The following SLC4A7 variants were observed in gnomAD, a reference collection of about 807,000 sequenced individuals.
SLC4A7 encodes the protein solute carrier family 4 member 7, also known as sodium bicarbonate cotransporter 3.
A neutral mutation model predicts 137.6 loss-of-function variants in SLC4A7; 51 were observed. The ratio of observed to expected loss-of-function variants is 0.37; its 90% confidence interval spans 0.30 to 0.47. SLC4A7 has a LOEUF of 0.47. SLC4A7 is among the 20% of genes least tolerant of loss of function. The probability of loss-of-function intolerance (pLI) is 1.00; values close to 1 mark genes in which losing one functional copy is unlikely to be tolerated. For synonymous variants in SLC4A7, 542 were observed against 518.6 expected, an observed-to-expected ratio of 1.05 and a Z score of -0.61; for missense variants, 1,247 against 1,525.4, an observed-to-expected ratio of 0.82 and a Z score of 3.04.
intron 3 of SLC4A7, among the ~76,000 whole-genome samples, chr3:27,444,692 G>A (rs926639678): frequency 3.9e-5 from 6 of 152,012 alleles, no homozygotes; most frequent in African/African-American, 1.5e-4. Flanking sequence ...CTCTTTAACA[G>A]TCATATTCTT....
chr3:27,472,654 C>T (rs2059297091), intron 1 of SLC4A7, among the ~76,000 whole-genome samples: 1 of 152,196 alleles, frequency 6.6e-6, no homozygotes, highest in African/African-American at 2.4e-5. Context: ...TTGCCTCACA[C>T]CTCCAATATG....
At chr3:27,466,632 A>C (rs2059014767) in intron 1 of SLC4A7, among the ~76,000 whole-genome samples, 1 of 152,170 alleles carries the variant, frequency 6.6e-6, no homozygotes, top group East Asian at 1.9e-4. Flanking sequence ...GTTCGAGACC[A>C]GCCTAGCCAA....
chr3:27,432,899 C>A (rs1179555993), intron 6 of SLC4A7, among the ~76,000 whole-genome samples: 1 of 152,066 alleles, frequency 6.6e-6, no homozygotes, highest in Non-Finnish European at 1.5e-5. Flanking sequence ...AGTTAAAATG[C>A]GCTATACATT....
In SLC4A7 at chr3:27,484,254, C is replaced by A; in HGVS notation, c.-128G>T. On this transcript the variant is annotated 5_prime_UTR_variant, in exon 1 of 26. Coordinates refer to ENST00000454389, the MANE Select transcript of SLC4A7 (RefSeq NM_001321103.2). ...GGACAAACGTGGGTGCGTCCGTGCG[C>A]GAGGTGTGCGCGCGTGGGGAGAGCC... 2 of 717,274 alleles carry A rather than the reference C, an allele frequency of 2.8e-6. No individual in the cohort carries two copies. The highest frequency in any genetic ancestry group is 3.8e-6 in the Non-Finnish European group (2 of 525,424). The allele number at this position is 717,274 out of a possible 1,614,324, so 44.4% of individuals were successfully genotyped here.
At chr3:27,401,394 A>G (rs557107901) in intron 15 of SLC4A7, among the ~76,000 whole-genome samples, 112 of 152,358 alleles carry the variant, frequency 7.4e-4, no homozygotes, top group African/African-American at 2.6e-3. Flanking sequence ...AGTCATAAGG[A>G]AATCAGAGTT....
At chr3:27,407,860 C>T (rs947457915) in intron 13 of SLC4A7, among the ~76,000 whole-genome samples, 1 of 152,066 alleles carries the variant, frequency 6.6e-6, no homozygotes, top group Non-Finnish European at 1.5e-5. Context: ...TATTCTATTT[C>T]AACCTTCACT....
At chr3:27,413,841 T>A (rs576007290) in intron 11 of SLC4A7, among the ~76,000 whole-genome samples, 1 of 152,210 alleles carries the variant, frequency 6.6e-6, no homozygotes, top group Non-Finnish European at 1.5e-5. Context: ...AACACTGTAC[T>A]AGAGATTTTA....
At chr3:27,385,685 A>G (rs1383201816) in intron 23 of SLC4A7, among the ~76,000 whole-genome samples, 1 of 152,102 alleles carries the variant, frequency 6.6e-6, no homozygotes, top group Admixed American at 6.5e-5. Context: ...TGGTGAAGAG[A>G]CTACATTTGG....
chr3:27,439,740 G>C (rs2057040049), intron 3 of SLC4A7, among the ~76,000 whole-genome samples: 1 of 152,078 alleles, frequency 6.6e-6, no homozygotes, highest in Admixed American at 6.5e-5. Flanking sequence ...ACACTGGCTA[G>C]GTCTTCTAGT....
chr3:27,398,430 C>T (rs921084459), intron 16 of SLC4A7, 77 bp from the exon 17 acceptor site: 36 of 1,265,168 alleles, frequency 2.8e-5, no homozygotes, highest in South Asian at 2.5e-4. Context: ...TTCATTGACT[C>T]GTAAGATGCA....
At chr3:27,431,152 T>C in intron 7 of SLC4A7, 146 bp downstream of exon 7, 1 of 890,886 alleles carries the variant, frequency 1.1e-6, no homozygotes, top group Non-Finnish European at 1.6e-6. Flanking sequence ...ACACAATCTA[T>C]CATAAAGAAA....
chr3:27,423,976 A>G, intron 8 of SLC4A7, 61 bp downstream of exon 8: 1 of 1,017,826 alleles, frequency 9.8e-7, no homozygotes, highest in Non-Finnish European at 1.5e-6. Flanking sequence ...TTAGCCACAA[A>G]TTACTACTTA....
intron 11 of SLC4A7, among the ~76,000 whole-genome samples, chr3:27,415,965 G>A (rs2054341273): frequency 6.6e-6 from 1 of 152,080 alleles, no homozygotes; most frequent in Non-Finnish European, 1.5e-5. Flanking sequence ...GAAATGACAG[G>A]CAATGGCAGA....
intron 1 of SLC4A7, among the ~76,000 whole-genome samples, chr3:27,475,043 G>A (rs938289998): frequency 1.3e-5 from 2 of 152,232 alleles, no homozygotes; most frequent in South Asian, 4.1e-4. Flanking sequence ...CTGGGAGGTG[G>A]AGGTTGCAGT....
intron 21 of SLC4A7, among the ~76,000 whole-genome samples, chr3:27,391,527 A>G (rs1044697767): frequency 6.6e-6 from 1 of 152,242 alleles, no homozygotes; most frequent in African/African-American, 2.4e-5. Flanking sequence ...AAAACAGGTA[A>G]GGACCATGTC....
intron 3 of SLC4A7, among the ~76,000 whole-genome samples, chr3:27,438,709 A>G (rs1354702560): frequency 1.3e-5 from 2 of 151,952 alleles, no homozygotes; most frequent in African/African-American, 2.4e-5. Context: ...AACATAACAT[A>G]AAATAAAATA....
Position 27,394,741 on chromosome 3 carries a change from A to T in SLC4A7, c.2894T>A (p.Leu965His), listed in dbSNP as rs1328083366. The change falls in exon 20 of 26, where the codon CTC becomes CAC. Residue 965 changes from leucine (L) to histidine (H), a missense_variant. Physicochemically the swap from Leu to His is moderately conservative, Grantham distance 99 (BLOSUM62 -3). Around this residue, in one of 6 missense-constraint regions of SLC4A7, gnomAD observed 48 missense variants for 97.2 expected, o/e 0.49. Transcript: ENST00000454389. Reference protein sequence around the residue: ...KKGAGYHLDLLMVGVMLGVCS... With the variant: ...KKGAGYHLDLHMVGVMLGVCS... ...AACTCCCAACATAACGCCAACCATG[A>T]GCAAATCAAGGTGATAGCCAGCTCC... 1 of 1,614,084 alleles carries T rather than the reference A, an allele frequency of 6.2e-7. No individual in the cohort carries two copies. Among genetic ancestry groups the T allele is most frequent in the African/African-American group, 1.3e-5 (1 of 74,946 alleles).
In SLC4A7 at chr3:27,420,595, A is replaced by T. The variant is rs527554933; in HGVS notation, c.1512+105T>A. Reference sequence around the variant, plus strand: ...TAAAACAGTATACACAGCAAGGAAAAGTTTTAGAGCTTCACTATGAAAGAA... The same window carrying T: ...TAAAACAGTATACACAGCAAGGAAATGTTTTAGAGCTTCACTATGAAAGAA... On this transcript the variant is annotated intron_variant, in intron 10 of 25. Transcript: ENST00000454389. 1.0e-4 allele frequency: 66 copies of T among 648,794 alleles called. No homozygotes were observed. In the African/African-American group the frequency reaches 1.1e-3, roughly 11 times the overall value. 40.2% of individuals were successfully genotyped at this position (648,794 alleles called of 1,614,324 possible). A position where few individuals can be genotyped will look rare whatever the true frequency, so the allele number is the denominator to read the frequency against.
intron 1 of SLC4A7, among the ~76,000 whole-genome samples, chr3:27,454,067 T>C (rs1039738575): frequency 6.6e-6 from 1 of 152,054 alleles, no homozygotes; most frequent in Non-Finnish European, 1.5e-5. Context: ...TCCCAGTACT[T>C]TGGGAGGCTG....
Sources: allele counts gnomAD v4.1 joint callset (sites outside exome capture counted in the v4.1 genomes callset), GRCh38; gene constraint gnomAD v4.1.1; regional missense constraint gnomAD v4.1.1; transcripts MANE v1.5; gene names NCBI Gene and HGNC (gene_info 2026-07-23, HGNC 2026-07-21).